Variants in RAD52 observed in about 807,000 individuals in gnomAD.
The protein encoded by RAD52 is RAD52 DNA repair protein.
In RAD52, 47 loss-of-function variants were observed where a neutral mutation model predicts 55.5. The observed-to-expected ratio is 0.85, with a 90% CI of 0.67 to 1.08. The LOEUF (loss-of-function observed/expected upper bound fraction) is 1.08. Among genes scored for constraint, RAD52 ranks in the 50% least tolerant of loss-of-function variants. The probability of loss-of-function intolerance (pLI) is 0.00; values close to 1 mark genes in which losing one functional copy is unlikely to be tolerated. For missense variants in RAD52, 468 were observed against 522.8 expected (o/e 0.90, Z 1.02); for synonymous variants, 184 against 198.9 (o/e 0.92, Z 0.63).
rs1956197512 is a variant in RAD52, at chr12:913,399, G to GATC, written c.1246_1248dup (p.Asp416dup). 1 of 1,605,380 alleles carries GATC rather than the reference G, an allele frequency of 6.2e-7. No homozygotes were observed. Among genetic ancestry groups the GATC allele is most frequent in the East Asian group, 2.2e-5 (1 of 44,830 alleles). ...TGTGGCCTGAGCCTCAGTTAAGATG[G>GATC]ATCATATTTCCTTTTCTTCATGTCC... is the stretch of plus-strand genomic sequence containing the variant. On this transcript the variant is annotated inframe_insertion, in exon 12 of 12. Transcript: ENST00000358495.
At chr12:973,337 G>A (rs924212450) in intron 1 of RAD52, among the ~76,000 whole-genome samples, 5 of 152,076 alleles carry the variant, frequency 3.3e-5, no homozygotes, top group African/African-American at 1.2e-4. Flanking sequence ...CCAAAGTGCT[G>A]GGATTACAGG....
chr12:930,230 T>C lies in RAD52; in HGVS notation c.187-86A>G, dbSNP rs1425898019. 6 of 1,106,346 alleles carry C rather than the reference T, an allele frequency of 5.4e-6. No homozygotes were observed. In the African/African-American group the frequency reaches 7.9e-5, roughly 15 times the overall value. 68.5% of individuals were successfully genotyped at this position (1,106,346 alleles called of 1,614,324 possible). A position where few individuals can be genotyped will look rare whatever the true frequency, so the allele number is the denominator to read the frequency against. On this transcript the variant is annotated intron_variant, in intron 3 of 11. Transcript: ENST00000358495. ...AATCAAAATTGACATAATTTATTCC[T>C]CATCTACTTTTTTCGATAAACTGTC...
chr12:933,342 C>T (rs902501936), intron 1 of RAD52, among the ~76,000 whole-genome samples: 1 of 151,912 alleles, frequency 6.6e-6, no homozygotes, highest in African/African-American at 2.4e-5. Flanking sequence ...GCCTGTAATC[C>T]CAGCTACTCG....
At chr12:923,029 G>C (rs538326773) in intron 7 of RAD52, among the ~76,000 whole-genome samples, 106 of 151,666 alleles carry the variant, frequency 7.0e-4, no homozygotes, top group African/African-American at 2.4e-3. Flanking sequence ...GCTGATTTTT[G>C]TATTTTTTAG....
At chr12:980,581 A>G (rs1308822088) in intron 1 of RAD52, among the ~76,000 whole-genome samples, 4 of 146,600 alleles carry the variant, frequency 2.7e-5, no homozygotes, top group African/African-American at 1.0e-4. Flanking sequence ...GGCATGAGCC[A>G]CTGCACCCAG....
chr12:934,192 C>T (rs141637091), intron 1 of RAD52, among the ~76,000 whole-genome samples: 30 of 151,664 alleles, frequency 2.0e-4, no homozygotes, highest in Non-Finnish European at 5.9e-5. Flanking sequence ...ATCAGCCAGA[C>T]GCAGTCACTG....
intron 7 of RAD52, among the ~76,000 whole-genome samples, chr12:923,779 C>T (rs973517098): frequency 5.9e-5 from 9 of 152,046 alleles, no homozygotes; most frequent in African/African-American, 1.4e-4. Context: ...AAGAAAAGGC[C>T]GGGTGCGGTG....
intron 1 of RAD52, among the ~76,000 whole-genome samples, chr12:938,225 G>A (rs570414236): frequency 6.6e-6 from 1 of 152,284 alleles, no homozygotes; most frequent in South Asian, 2.1e-4. Flanking sequence ...CCTGATGGAC[G>A]CACTAAGAAG....
At chr12:974,482 G>A (rs1211959388) in intron 1 of RAD52, 1 of 152,250 alleles carries the variant, frequency 6.6e-6, no homozygotes, top group Non-Finnish European at 1.5e-5. Flanking sequence ...GCAAACAACA[G>A]GGGAGGTCCG....
intron 1 of RAD52, among the ~76,000 whole-genome samples, chr12:981,634 G>A (rs1158625063): frequency 6.6e-6 from 1 of 151,962 alleles, no homozygotes; most frequent in Non-Finnish European, 1.5e-5. Context: ...GTGCGCGCCT[G>A]TAATCCCAGC....
chr12:923,967 G>A (rs1014813121), intron 7 of RAD52, among the ~76,000 whole-genome samples: 3 of 151,806 alleles, frequency 2.0e-5, no homozygotes, highest in African/African-American at 7.3e-5. Flanking sequence ...GCTGAGGCAG[G>A]AGAATGGCAT....
At chr12:979,206 G>C (rs555405267) in intron 1 of RAD52, among the ~76,000 whole-genome samples, 2 of 152,112 alleles carry the variant, frequency 1.3e-5, no homozygotes, top group Admixed American at 1.3e-4. Flanking sequence ...GTGGGAGGCC[G>C]AGGTGGGTGG....
intron 5 of RAD52, among the ~76,000 whole-genome samples, chr12:927,730 G>A (rs1264330287): frequency 6.6e-6 from 1 of 152,134 alleles, no homozygotes; most frequent in Admixed American, 6.5e-5. Flanking sequence ...GCCGGGTGTG[G>A]TGGTGGGCAC....
At chr12:973,569 C>T (rs1012401119) in intron 1 of RAD52, among the ~76,000 whole-genome samples, 1 of 147,688 alleles carries the variant, frequency 6.8e-6, no homozygotes, top group African/African-American at 2.5e-5. Flanking sequence ...TCTCCAACTC[C>T]CTGGCTCAAG....
chr12:983,052 G>A (rs950334602), intron 1 of RAD52, among the ~76,000 whole-genome samples: 1 of 151,706 alleles, frequency 6.6e-6, no homozygotes, highest in African/African-American at 2.4e-5. Context: ...GTTTCACCAC[G>A]TTGGCCAGGC....
intron 1 of RAD52, chr12:974,661 T>C (rs2154121480): frequency 6.6e-6 from 1 of 152,318 alleles, no homozygotes; most frequent in South Asian, 2.1e-4. Flanking sequence ...TCCTAACTGA[T>C]TCACTGCTCA....
At chr12:984,726 G>A (rs1290026927) in intron 1 of RAD52, among the ~76,000 whole-genome samples, 13 of 150,834 alleles carry the variant, frequency 8.6e-5, no homozygotes, top group Non-Finnish European at 1.3e-4. Context: ...GTGCAGTGGC[G>A]TGATCTCGGC....
intron 1 of RAD52, among the ~76,000 whole-genome samples, chr12:955,471 CTTCT>C (rs1355693401): frequency 3.6e-5 from 5 of 138,124 alleles, no homozygotes; most frequent in South Asian, 2.3e-4. Context: ...TGTTCTTCTT[CTTCT>C]TTCTTTTTTT....
chr12:982,131 T>C (rs577312627), intron 1 of RAD52, among the ~76,000 whole-genome samples: 4 of 152,356 alleles, frequency 2.6e-5, no homozygotes, highest in African/African-American at 7.2e-5. Flanking sequence ...GGGTAACATG[T>C]GTTCACAGCC....
Sources: gnomAD v4.1 joint callset for allele counts (sites outside exome capture counted in the v4.1 genomes callset) on GRCh38, gnomAD v4.1.1 for gene constraint, MANE v1.5 for transcripts, NCBI Gene and HGNC (gene_info 2026-07-23, HGNC 2026-07-21) for gene names.